The following GPM6A variants were observed in gnomAD, a reference collection of about 807,000 sequenced individuals.
The protein encoded by GPM6A is neuronal membrane glycoprotein M6-a.
A neutral mutation model predicts 32.1 loss-of-function variants in GPM6A; 7 were observed. The ratio of observed to expected loss-of-function variants is 0.22; its 90% CI spans 0.12 to 0.41. The LOEUF (loss-of-function observed/expected upper bound fraction) is 0.41, where lower values mean the gene tolerates loss of function less well. Ranked by LOEUF, GPM6A falls within the 10% of genes least tolerant of loss-of-function variation. The pLI, the probability that GPM6A is intolerant of heterozygous loss-of-function variation, is 1.00. For synonymous variants in GPM6A, 130 were observed against 123.4 expected (o/e 1.05, Z -0.35); for missense variants, 235 against 347.2 (o/e 0.68, Z 2.57).
intron 1 of GPM6A, among the ~76,000 whole-genome samples, chr4:175,973,779 A>T (rs1740576020): frequency 6.6e-6 from 1 of 152,196 alleles, no homozygotes; most frequent in Non-Finnish European, 1.5e-5. Context: ...CTATTCACCC[A>T]GACTCTCATT....
chr4:175,883,506 G>T (rs945831453), intron 1 of GPM6A, among the ~76,000 whole-genome samples: 3 of 151,842 alleles, frequency 2.0e-5, no homozygotes, highest in Non-Finnish European at 4.4e-5. Context: ...ATCTCCTTTT[G>T]GATGCTAAAT....
At chr4:175,997,836 T>C (rs1005457899) in intron 1 of GPM6A, among the ~76,000 whole-genome samples, 12 of 152,196 alleles carry the variant, frequency 7.9e-5, no homozygotes, top group African/African-American at 2.7e-4. Context: ...AAAATGTGTA[T>C]ACTCTTAAAT....
chr4:175,931,411 C>A (rs1233313694), intron 1 of GPM6A, among the ~76,000 whole-genome samples: 8 of 151,990 alleles, frequency 5.3e-5, no homozygotes. Flanking sequence ...GGCCAGTGAG[C>A]AAACCCATAT....
intron 1 of GPM6A, among the ~76,000 whole-genome samples, chr4:175,894,411 C>CA (rs1473133633): frequency 1.3e-5 from 2 of 152,118 alleles, no homozygotes; most frequent in East Asian, 3.8e-4. Flanking sequence ...GCTCGAAAGA[C>CA]AGAGTCACAA....
chr4:175,879,244 C>T (rs1484426787), intron 1 of GPM6A, among the ~76,000 whole-genome samples: 4 of 152,126 alleles, frequency 2.6e-5, no homozygotes, highest in African/African-American at 9.7e-5. Context: ...CAAACTGTTC[C>T]AACCTCTGCC....
At chr4:175,668,517 T>TTGTGTGTGTGTGTGTGTGTGTG (rs1445605789) in intron 3 of GPM6A, among the ~76,000 whole-genome samples, 3 of 22,798 alleles carry the variant, frequency 1.3e-4, no homozygotes, top group South Asian at 2.0e-3. Context: ...ATTCAAACGT[T>TTGTGTGTGTGTGTGTGTGTGTG]TATGTGTGTG....
intron 2 of GPM6A, among the ~76,000 whole-genome samples, chr4:175,692,773 T>C (rs59164546): frequency 0.047 from 7,167 of 152,238 alleles, 203 homozygotes; most frequent in Non-Finnish European, 0.063. Flanking sequence ...TATGTATTTG[T>C]CTAGCTTTTA....
chr4:175,944,283 T>C (rs924072451), intron 1 of GPM6A, among the ~76,000 whole-genome samples: 1 of 152,168 alleles, frequency 6.6e-6, no homozygotes, highest in Non-Finnish European at 1.5e-5. Context: ...AAAGAATTAA[T>C]TTTTGTGCTG....
At chr4:175,938,838 C>T (rs1026799870) in intron 1 of GPM6A, among the ~76,000 whole-genome samples, 11 of 150,952 alleles carry the variant, frequency 7.3e-5, no homozygotes, top group African/African-American at 2.4e-4. Flanking sequence ...GGAACAAACA[C>T]ATATACCTCA....
At chr4:175,961,155 A>G (rs1740149697) in intron 1 of GPM6A, 1 of 152,240 alleles carries the variant, frequency 6.6e-6, no homozygotes. Flanking sequence ...GTTATCACTC[A>G]TCAGTTGCAT....
At chr4:175,783,692 T>C (rs1733693593) in intron 1 of GPM6A, among the ~76,000 whole-genome samples, 1 of 152,002 alleles carries the variant, frequency 6.6e-6, no homozygotes, top group South Asian at 2.1e-4. Context: ...TTTATATAGA[T>C]TGATAAGAAT....
chr4:175,882,639 A>C (rs1471976060), intron 1 of GPM6A, among the ~76,000 whole-genome samples: 2 of 151,962 alleles, frequency 1.3e-5, no homozygotes, highest in African/African-American at 2.4e-5. Flanking sequence ...TCTTTCATAC[A>C]TTTAAAAAAT....
intron 1 of GPM6A, among the ~76,000 whole-genome samples, chr4:175,899,432 A>T (rs1737886438): frequency 1.3e-5 from 2 of 152,228 alleles, no homozygotes; most frequent in Non-Finnish European, 2.9e-5. Flanking sequence ...ACCATTTAAA[A>T]ATAAGACAGT....
intron 1 of GPM6A, among the ~76,000 whole-genome samples, chr4:175,790,623 A>G (rs1733974660): frequency 6.6e-6 from 1 of 152,192 alleles, no homozygotes; most frequent in Admixed American, 6.5e-5. Flanking sequence ...ATATTCTCCA[A>G]AATGGAAGTC....
At chr4:175,914,612 C>A (rs1483101966) in intron 1 of GPM6A, among the ~76,000 whole-genome samples, 1 of 152,114 alleles carries the variant, frequency 6.6e-6, no homozygotes, top group Non-Finnish European at 1.5e-5. Flanking sequence ...CGTGAGCCAC[C>A]GCGTCCGCCT....
Position 175,672,617 on chromosome 4 carries a change from T to A in GPM6A, c.387+1063A>T, listed in dbSNP as rs150305858. Among the ~76,000 whole-genome samples the A allele has an allele frequency of 1.5e-3, 231 of 152,324 alleles. 1 individual carries two copies. The highest frequency in any genetic ancestry group is 3.3e-3 in the Admixed American group (50 of 15,306). ...CCCTGGATCTATAATTCGCTATTACTGATTTAAATAATTTCAATAATAAGG... is the reference window on the plus strand; with the variant it reads ...CCCTGGATCTATAATTCGCTATTACAGATTTAAATAATTTCAATAATAAGG... On this transcript the variant is annotated intron_variant, in intron 3 of 6. Coordinates refer to ENST00000393658, the MANE Select transcript of GPM6A (RefSeq NM_201591.3).
rs575902007 is a variant in GPM6A at position 175,774,604 on chromosome 4, T to C, written c.37+37587A>G. Among the ~76,000 whole-genome samples the C allele has an allele frequency of 3.9e-4, 60 of 152,206 alleles. 1 individual carries two copies. The highest frequency in any genetic ancestry group is 7.7e-4 in the Non-Finnish European group (52 of 67,920). ...TAAAAACAATCAGCCACTGAGTTTA[T>C]TAGATAAAATAAGTCATGAATTTCA... On this transcript the variant is annotated intron_variant, in intron 1 of 6. Coordinates refer to ENST00000393658, the MANE Select transcript of GPM6A (RefSeq NM_201591.3).
intron 1 of GPM6A, among the ~76,000 whole-genome samples, chr4:175,708,488 C>T (rs761927940): frequency 8.6e-5 from 13 of 152,020 alleles, no homozygotes; most frequent in African/African-American, 2.9e-4. Context: ...TGGGTTCAAG[C>T]GATTCTCCTG....
chr4:175,989,503 C>T (rs1741073697), intron 1 of GPM6A, among the ~76,000 whole-genome samples: 1 of 151,862 alleles, frequency 6.6e-6, no homozygotes, highest in African/African-American at 2.4e-5. Context: ...TTAAGTCATA[C>T]AAGTATTAAA....
Sources: gnomAD v4.1 joint callset for allele counts (sites outside exome capture counted in the v4.1 genomes callset) on GRCh38, gnomAD v4.1.1 for gene constraint, MANE v1.5 for transcripts, NCBI Gene and HGNC (gene_info 2026-07-23, HGNC 2026-07-21) for gene names.